The following EPHA5 variants were observed in gnomAD, a reference collection of about 807,000 sequenced individuals.
EPHA5 encodes EPH receptor A5.
Under a neutral mutation model 105.0 loss-of-function variants are expected in EPHA5, and 60 were observed. The ratio of observed to expected loss-of-function variants is 0.57; its 90% CI spans 0.46 to 0.71. The LOEUF (loss-of-function observed/expected upper bound fraction) is 0.71, where lower values mean the gene tolerates loss of function less well. EPHA5 is among the 30% of genes least tolerant of loss of function. The pLI is 0.00. For missense variants in EPHA5, 1,218 were observed against 1,274.7 expected (o/e 0.96, Z 0.68); for synonymous variants, 513 against 449.1 (o/e 1.14, Z -1.80).
chr4:65,459,699 A>G (rs960770821), intron 5 of EPHA5, among the ~76,000 whole-genome samples: 4 of 151,834 alleles, frequency 2.6e-5, no homozygotes, highest in African/African-American at 9.7e-5. Flanking sequence ...AAATTTTCCA[A>G]ACATGGAAAC....
intron 8 of EPHA5, among the ~76,000 whole-genome samples, chr4:65,381,876 G>A (rs753425403): frequency 1.3e-5 from 2 of 151,646 alleles, no homozygotes; most frequent in Admixed American, 1.3e-4. Context: ...TCTGCAAGGT[G>A]GTAAGAGAGC....
intron 1 of EPHA5, among the ~76,000 whole-genome samples, chr4:65,669,210 C>G (rs1221115321): frequency 6.6e-6 from 1 of 151,992 alleles, no homozygotes; most frequent in African/African-American, 2.4e-5. Context: ...CACTTCCCCA[C>G]GCGCCTTAAG....
intron 8 of EPHA5, among the ~76,000 whole-genome samples, chr4:65,379,963 T>C (rs1260645265): frequency 2.6e-5 from 4 of 151,812 alleles, no homozygotes; most frequent in Non-Finnish European, 5.9e-5. Context: ...AAATAATTTC[T>C]GAAGACGCTT....
intron 5 of EPHA5, among the ~76,000 whole-genome samples, chr4:65,427,160 A>T (rs1341934911): frequency 6.7e-6 from 1 of 150,322 alleles, no homozygotes; most frequent in Non-Finnish European, 1.5e-5. Flanking sequence ...AAGTATGTTT[A>T]GTAATTATAA....
chr4:65,572,987 T>G (rs1740363339), intron 3 of EPHA5, among the ~76,000 whole-genome samples: 1 of 151,890 alleles, frequency 6.6e-6, no homozygotes, highest in Non-Finnish European at 1.5e-5. Context: ...GCCAAGATCA[T>G]GCCATTGCAC....
At position 65,554,182 on chromosome 4, in the gene EPHA5, T is replaced by C. The variant is rs147350513; in HGVS notation, c.910+47459A>G. On this transcript the variant is annotated intron_variant, in intron 3 of 16. Transcript: ENST00000613740. ...AAAAAAAATTGAGAAACTTGTACTTTTGCTAATCTCAGAGTTCCACATTTT... is the reference window on the plus strand; with the variant it reads ...AAAAAAAATTGAGAAACTTGTACTTCTGCTAATCTCAGAGTTCCACATTTT... Among the ~76,000 whole-genome samples the C allele has an allele frequency of 5.5e-3, 825 of 150,442 alleles. 8 individuals carry two copies. Among genetic ancestry groups the C allele is most frequent in the African/African-American group, 0.019 (773 of 41,326 alleles).
intron 5 of EPHA5, among the ~76,000 whole-genome samples, chr4:65,443,816 G>T (rs1309590720): frequency 1.3e-5 from 2 of 152,024 alleles, no homozygotes; most frequent in Admixed American, 6.6e-5. Flanking sequence ...TGTTTGCTGG[G>T]TCTCAACCCT....
intron 2 of EPHA5, among the ~76,000 whole-genome samples, chr4:65,635,076 C>G (rs1746996677): frequency 6.6e-6 from 1 of 152,056 alleles, no homozygotes; most frequent in Admixed American, 6.6e-5. Flanking sequence ...ACATAAAACA[C>G]TAACAATGTA....
At chr4:65,581,241 A>C (rs1362669908) in intron 3 of EPHA5, among the ~76,000 whole-genome samples, 1 of 151,844 alleles carries the variant, frequency 6.6e-6, no homozygotes, top group Non-Finnish European at 1.5e-5. Flanking sequence ...AGTTTTAAGC[A>C]TCTCTTTCAG....
intron 16 of EPHA5, chr4:65,331,460 A>C (rs926388502): frequency 9.5e-7 from 1 of 1,047,662 alleles, no homozygotes; most frequent in Non-Finnish European, 1.2e-6. Flanking sequence ...ATACATCCTT[A>C]GATTGAAAGA....
At chr4:65,363,792 G>T (rs577146148) in intron 11 of EPHA5, among the ~76,000 whole-genome samples, 2 of 151,398 alleles carry the variant, frequency 1.3e-5, no homozygotes, top group East Asian at 1.9e-4. Context: ...TATCACAGAC[G>T]TTCTTTCAAG....
chr4:65,377,003 T>C (rs1176910570), intron 8 of EPHA5: 3 of 1,607,372 alleles, frequency 1.9e-6, no homozygotes, highest in South Asian at 1.1e-5. Context: ...CTAACCATAT[T>C]AGGCTTGGAT....
intron 14 of EPHA5, among the ~76,000 whole-genome samples, chr4:65,340,751 T>C (rs948816146): frequency 6.6e-6 from 1 of 152,178 alleles, no homozygotes; most frequent in Non-Finnish European, 1.5e-5. Flanking sequence ...AAGTGTGTCA[T>C]GGCAAGAGAA....
intron 3 of EPHA5, among the ~76,000 whole-genome samples, chr4:65,532,432 T>A (rs1735892609): frequency 6.6e-6 from 1 of 151,944 alleles, no homozygotes; most frequent in South Asian, 2.1e-4. Context: ...CAGGTGTTAT[T>A]AACTGTGATT....
intron 14 of EPHA5, among the ~76,000 whole-genome samples, chr4:65,339,458 C>A (rs1288620504): frequency 2.0e-5 from 3 of 152,062 alleles, no homozygotes; most frequent in Non-Finnish European, 4.4e-5. Context: ...GAAACTGTGA[C>A]TTTCAGTGAA....
chr4:65,530,011 T>C (rs887495051), intron 3 of EPHA5, among the ~76,000 whole-genome samples: 1 of 152,140 alleles, frequency 6.6e-6, no homozygotes, highest in Non-Finnish European at 1.5e-5. Flanking sequence ...TTAAAAAACA[T>C]AACTATGTGT....
chr4:65,652,036 G>T (rs1013703709), intron 1 of EPHA5, among the ~76,000 whole-genome samples: 4 of 152,050 alleles, frequency 2.6e-5, no homozygotes, highest in Non-Finnish European at 4.4e-5. Context: ...AACCAAACTT[G>T]TATAATCTTA....
chr4:65,354,795 T>C (rs1723142994), intron 11 of EPHA5, among the ~76,000 whole-genome samples: 1 of 151,682 alleles, frequency 6.6e-6, no homozygotes, highest in Admixed American at 6.6e-5. Context: ...AAAGAATGTT[T>C]TAGTCCCATA....
intron 8 of EPHA5, among the ~76,000 whole-genome samples, chr4:65,398,978 G>A (rs1048063328): frequency 6.6e-6 from 1 of 152,194 alleles, no homozygotes; most frequent in Non-Finnish European, 1.5e-5. Context: ...GAGAGTGGAA[G>A]AGCTGTAACA....
Sources: allele counts gnomAD v4.1 joint callset (sites outside exome capture counted in the v4.1 genomes callset), GRCh38; gene constraint gnomAD v4.1.1; transcripts MANE v1.5; gene names NCBI Gene and HGNC (gene_info 2026-07-23, HGNC 2026-07-21).